PYGO1: variants seen among roughly 807,000 people sequenced by gnomAD.
PYGO1 encodes the protein pygopus homolog 1.
PYGO1 carries 6 observed loss-of-function variants against 29.5 expected under a neutral mutation model. The ratio of observed to expected loss-of-function variants is 0.20; its 90% CI spans 0.11 to 0.40. The LOEUF (loss-of-function observed/expected upper bound fraction) is 0.40. Among genes scored for constraint, PYGO1 ranks in the 10% least tolerant of loss-of-function variants. The probability of loss-of-function intolerance (pLI) is 1.00; values close to 1 mark genes in which losing one functional copy is unlikely to be tolerated. For missense variants in PYGO1, 515 were observed against 514.9 expected (o/e 1.00, Z 0.00); for synonymous variants, 186 against 180.5 (o/e 1.03, Z -0.24).
chr15:55,562,957 C>T (rs1264809184), intron 1 of PYGO1, among the ~76,000 whole-genome samples: 3 of 151,926 alleles, frequency 2.0e-5, no homozygotes, highest in Non-Finnish European at 4.4e-5. Flanking sequence ...AACACATGGA[C>T]ACATTGCGGG....
intron 1 of PYGO1, among the ~76,000 whole-genome samples, chr15:55,552,175 C>T (rs897453149): frequency 5.3e-5 from 8 of 151,262 alleles, no homozygotes; most frequent in South Asian, 2.1e-4. Context: ...GCAAACATGG[C>T]GAAACCCCGT....
At chr15:55,564,216 C>A (rs1217306195) in intron 1 of PYGO1, among the ~76,000 whole-genome samples, 1 of 152,034 alleles carries the variant, frequency 6.6e-6, no homozygotes, top group East Asian at 1.9e-4. Flanking sequence ...TATATCTATA[C>A]AATGAAACAT....
chr15:55,575,783 G>C (rs1025485788), intron 1 of PYGO1, among the ~76,000 whole-genome samples: 4 of 152,102 alleles, frequency 2.6e-5, no homozygotes, highest in Non-Finnish European at 4.4e-5. Flanking sequence ...AGGTGTCTGG[G>C]TCCCAGGCCT....
intron 1 of PYGO1, among the ~76,000 whole-genome samples, chr15:55,578,624 T>C (rs1188661835): frequency 6.6e-6 from 1 of 152,218 alleles, no homozygotes; most frequent in African/African-American, 2.4e-5. Context: ...AGCATCTTTT[T>C]ATGTACTTAT....
chr15:55,539,501 A>G lies in PYGO1; in HGVS notation c.*6522T>C, dbSNP rs1429591586. The G allele has an allele frequency of 3.3e-5, 5 of 152,152 alleles. No individual in the cohort carries two copies. The allele number at this position is 152,152 out of a possible 1,614,324, so 9.4% of individuals were successfully genotyped here. On this transcript the variant is annotated 3_prime_UTR_variant, in exon 3 of 3. Transcript: ENST00000563719. ...ATACTTTATTTAAATTTTTCCACAA[A>G]GCAGTTCATGAATTAATAATACTTC... is the stretch of plus-strand genomic sequence containing the variant.
chr15:55,547,528 T>G (rs1431359040), intron 2 of PYGO1, among the ~76,000 whole-genome samples: 1 of 152,160 alleles, frequency 6.6e-6, no homozygotes, highest in African/African-American at 2.4e-5. Context: ...CTAAAATACC[T>G]CTCATACACC....
intron 1 of PYGO1, among the ~76,000 whole-genome samples, chr15:55,571,813 C>A (rs2058981376): frequency 2.0e-5 from 3 of 152,102 alleles, no homozygotes; most frequent in Admixed American, 1.3e-4. Flanking sequence ...TTTTGAGGAA[C>A]CATCAAGCTA....
chr15:55,580,964 A>G (rs994236576), intron 1 of PYGO1, among the ~76,000 whole-genome samples: 1 of 152,230 alleles, frequency 6.6e-6, no homozygotes, highest in Non-Finnish European at 1.5e-5. Context: ...ATCAAATTGG[A>G]TTTCAGAAAC....
chr15:55,568,785 G>T (rs1192871571), intron 1 of PYGO1, among the ~76,000 whole-genome samples: 1 of 151,844 alleles, frequency 6.6e-6, no homozygotes, highest in Admixed American at 6.6e-5. Context: ...GTTTGCTGAG[G>T]GTTTTTATCG....
At chr15:55,552,711 T>C (rs1408877509) in intron 1 of PYGO1, among the ~76,000 whole-genome samples, 1 of 152,044 alleles carries the variant, frequency 6.6e-6, no homozygotes, top group Non-Finnish European at 1.5e-5. Flanking sequence ...TTGGGTCCGA[T>C]ATACAGAGCT....
chr15:55,583,405 TTGAC>T lies in PYGO1; in HGVS notation c.49+4426_49+4429del, dbSNP rs1442639729. Among the ~76,000 whole-genome samples the T allele has an allele frequency of 2.6e-5, 4 of 152,352 alleles. No homozygotes were observed. The East Asian group carries it at 5.8e-4, about 22-fold the overall frequency. On this transcript the variant is annotated intron_variant, in intron 1 of 2. Coordinates refer to ENST00000563719, the MANE Select transcript of PYGO1 (RefSeq NM_001367806.1). ...AAAAAAAAAAGACTCATATTTTCTC[TTGAC>T]TATCTTTTTAAGATATTTGCTATGT...
At chr15:55,568,419 T>TATATAAAC (rs2058966615) in intron 1 of PYGO1, among the ~76,000 whole-genome samples, 3 of 151,512 alleles carry the variant, frequency 2.0e-5, no homozygotes, top group Non-Finnish European at 2.9e-5. Flanking sequence ...TACTGGTATA[T>TATATAAAC]TGAAATGGTA....
At chr15:55,564,534 T>C (rs1380493558) in intron 1 of PYGO1, among the ~76,000 whole-genome samples, 1 of 152,178 alleles carries the variant, frequency 6.6e-6, no homozygotes, top group Non-Finnish European at 1.5e-5. Context: ...CTGCTCCTAG[T>C]GGCCAGAACA....
chr15:55,540,378 A>G lies in PYGO1; in HGVS notation c.*5645T>C, dbSNP rs2058823856. 1 of 152,126 alleles carries G rather than the reference A, an allele frequency of 6.6e-6. No individual in the cohort carries two copies. The highest frequency in any genetic ancestry group is 1.5e-5 in the Non-Finnish European group (1 of 67,958). The allele number at this position is 152,126 out of a possible 1,614,324, so 9.4% of individuals were successfully genotyped here. A position where few individuals can be genotyped will look rare whatever the true frequency, so the allele number is the denominator to read the frequency against. On this transcript the variant is annotated 3_prime_UTR_variant, in exon 3 of 3. Coordinates refer to ENST00000563719, the MANE Select transcript of PYGO1 (RefSeq NM_001367806.1). Reference sequence around the variant, plus strand: ...TTGGGAAATATCAGCACAAGTTAAAAGTTACTATATAATTTTAGTAGTATG... The same window carrying G: ...TTGGGAAATATCAGCACAAGTTAAAGGTTACTATATAATTTTAGTAGTATG...
At chr15:55,548,772 T>C (rs991683338) in intron 2 of PYGO1, 138 bp downstream of exon 2, 11 of 416,640 alleles carry the variant, frequency 2.6e-5, no homozygotes, top group African/African-American at 1.7e-4. Flanking sequence ...ACTGGAATGA[T>C]TGATTGAAAG....
chr15:55,546,840 A>G lies in PYGO1; in HGVS notation c.443T>C (p.Phe148Ser). The stretch of plus-strand genomic sequence containing the variant: ...GAAACTTGAATTATCATGTGGCCCA[A>G]AGTTAAAAGCATGAGGTCGATTAAA... Reference protein sequence around the residue: ...MGFNRPHAFNFGPHDNSSFGN... With the variant: ...MGFNRPHAFNSGPHDNSSFGN... The change falls in exon 3 of 3, where the codon TTT (phenylalanine) becomes TCT (serine). Residue 148 changes from phenylalanine to serine, a missense_variant. By Grantham distance (155) the Phe-to-Ser change is radical (BLOSUM62 -2). Transcript: ENST00000563719. 6.2e-7 allele frequency: 1 copy of G among 1,614,076 alleles called. No homozygotes were observed. Among genetic ancestry groups the G allele is most frequent in the Non-Finnish European group, 8.5e-7 (1 of 1,180,004 alleles).
chr15:55,549,095 T>C (rs1039101774), intron 1 of PYGO1, 100 bp from the exon 2 acceptor site: 36 of 911,232 alleles, frequency 4.0e-5, no homozygotes, highest in South Asian at 3.9e-4. Context: ...ATGTTTTCTA[T>C]TTTCGTTAGA....
In PYGO1 at chr15:55,542,392, T is replaced by C. The variant is rs1018607117; in HGVS notation, c.*3631A>G. On this transcript the variant is annotated 3_prime_UTR_variant, in exon 3 of 3. Coordinates refer to ENST00000563719, the MANE Select transcript of PYGO1 (RefSeq NM_001367806.1). ...ATAAGCACTAGTACAAGAAAATCTT[T>C]AGTTTTATGTATATAACCTTCTAAT... 1 of 152,214 alleles carries C rather than the reference T, an allele frequency of 6.6e-6. No individual in the cohort carries two copies. The highest frequency in any genetic ancestry group is 6.5e-5 in the Admixed American group (1 of 15,280). 9.4% of individuals were successfully genotyped at this position (152,214 alleles called of 1,614,324 possible). A position where few individuals can be genotyped will look rare whatever the true frequency, so the allele number is the denominator to read the frequency against.
chr15:55,572,204 C>T (rs149131334), intron 1 of PYGO1, among the ~76,000 whole-genome samples: 2 of 152,234 alleles, frequency 1.3e-5, no homozygotes, highest in African/African-American at 4.8e-5. Flanking sequence ...TAAAAACACA[C>T]ACATTCACCA....
Sources: gnomAD v4.1 joint callset for allele counts (sites outside exome capture counted in the v4.1 genomes callset) on GRCh38, gnomAD v4.1.1 for gene constraint, MANE v1.5 for transcripts, NCBI Gene and HGNC (gene_info 2026-07-23, HGNC 2026-07-21) for gene names.